Variants in MBD2 observed in about 807,000 individuals in gnomAD.
The protein encoded by MBD2 is methyl-CpG-binding domain protein 2.
A neutral mutation model predicts 39.3 loss-of-function variants in MBD2; 9 were observed. The observed-to-expected ratio is 0.23, with a 90% CI of 0.14 to 0.40. MBD2 has a LOEUF of 0.40. MBD2 is among the 10% of genes least tolerant of loss of function. MBD2 has a pLI of 1.00. For synonymous variants in MBD2, 233 were observed against 211.1 expected, an observed-to-expected ratio of 1.10 and a Z score of -0.90; for missense variants, 458 against 532.6, an observed-to-expected ratio of 0.86 and a Z score of 1.38.
chr18:54,177,683 G>A (rs1357504564), intron 3 of MBD2, among the ~76,000 whole-genome samples: 2 of 151,786 alleles, frequency 1.3e-5, no homozygotes, highest in Non-Finnish European at 1.5e-5. Flanking sequence ...GGGTTTCACT[G>A]TGTTAGCCAG....
intron 1 of MBD2, among the ~76,000 whole-genome samples, chr18:54,215,489 A>ATTT (rs1322093635): frequency 5.0e-5 from 7 of 139,280 alleles, no homozygotes; most frequent in African/African-American, 1.9e-4. Context: ...CTGAGGATAG[A>ATTT]TTTTTTTTTT....
chr18:54,156,574 A>G (rs1730267), intron 6 of MBD2, among the ~76,000 whole-genome samples: 128,589 of 152,186 alleles, frequency 0.84, 54,823 homozygotes, highest in East Asian at 1. Context: ...AAAGTCGGCC[A>G]GTGGCTCATG....
chr18:54,219,599 G>T (rs933302441), intron 1 of MBD2, among the ~76,000 whole-genome samples: 9 of 152,160 alleles, frequency 5.9e-5, no homozygotes, highest in African/African-American at 1.7e-4. Flanking sequence ...AAATATGTAA[G>T]AACTATGACA....
At chr18:54,189,083 A>G in intron 2 of MBD2, 72 bp from the exon 3 acceptor site, 5 of 997,176 alleles carry the variant, frequency 5.0e-6, no homozygotes, top group Middle Eastern at 3.3e-4. Context: ...TACTAATTCA[A>G]TATCTATTAC....
chr18:54,206,901 A>C (rs912481421), intron 1 of MBD2, among the ~76,000 whole-genome samples: 2 of 152,184 alleles, frequency 1.3e-5, no homozygotes, highest in African/African-American at 4.8e-5. Flanking sequence ...TATTGTCCGA[A>C]ACTTGAACCA....
chr18:54,214,885 G>GC (rs1185477892), intron 1 of MBD2, among the ~76,000 whole-genome samples: 2 of 151,624 alleles, frequency 1.3e-5, no homozygotes, highest in African/African-American at 4.8e-5. Context: ...GACGACAGGC[G>GC]CCCGCCAACA....
At chr18:54,198,866 T>C (rs2086385288) in intron 2 of MBD2, among the ~76,000 whole-genome samples, 1 of 152,216 alleles carries the variant, frequency 6.6e-6, no homozygotes, top group Non-Finnish European at 1.5e-5. Flanking sequence ...ATAATGTTCT[T>C]TGATCATGCA....
At chr18:54,158,423 T>C (rs1168243873) in intron 6 of MBD2, among the ~76,000 whole-genome samples, 1 of 152,140 alleles carries the variant, frequency 6.6e-6, no homozygotes, top group Non-Finnish European at 1.5e-5. Flanking sequence ...TGTTTTGGCT[T>C]CAAAGGAAAC....
chr18:54,192,108 A>C (rs2086323857), intron 2 of MBD2, among the ~76,000 whole-genome samples: 1 of 152,220 alleles, frequency 6.6e-6, no homozygotes, highest in Non-Finnish European at 1.5e-5. Flanking sequence ...GAAGTCACCC[A>C]ACCTGTTAAC....
In MBD2 at chr18:54,186,523, T is replaced by A. The variant is rs573579843; in HGVS notation, c.840+2351A>T. ...CTTTACTAACAAACTGAATCTAAAC[T>A]GGAATACTTGGGATAACAGATCATG... On this transcript the variant is annotated intron_variant, in intron 3 of 6. Coordinates refer to ENST00000256429, the MANE Select transcript of MBD2 (RefSeq NM_003927.5). Among the ~76,000 whole-genome samples the A allele has an allele frequency of 2.0e-5, 3 of 152,278 alleles. No individual in the cohort carries two copies. In the South Asian group the frequency reaches 6.2e-4, roughly 32 times the overall value.
chr18:54,194,227 A>C (rs924150575), intron 2 of MBD2, among the ~76,000 whole-genome samples: 3 of 152,096 alleles, frequency 2.0e-5, no homozygotes, highest in African/African-American at 7.2e-5. Flanking sequence ...AAATGCTAAT[A>C]TTTAATAATA....
At chr18:54,218,528 G>T (rs1429601121) in intron 1 of MBD2, among the ~76,000 whole-genome samples, 1 of 152,190 alleles carries the variant, frequency 6.6e-6, no homozygotes, top group Admixed American at 6.5e-5. Context: ...ATGGTGGTTA[G>T]GAGTTCTGAG....
At chr18:54,220,620 T>G (rs1407184811) in intron 1 of MBD2, among the ~76,000 whole-genome samples, 1 of 152,190 alleles carries the variant, frequency 6.6e-6, no homozygotes, top group African/African-American at 2.4e-5. Flanking sequence ...AACAATTGGG[T>G]GCAGGTGTTC....
chr18:54,214,613 G>A (rs974604798), intron 1 of MBD2, among the ~76,000 whole-genome samples: 2 of 152,092 alleles, frequency 1.3e-5, no homozygotes, highest in East Asian at 1.9e-4. Flanking sequence ...CCAAGCATGC[G>A]CTTCTATTTC....
intron 3 of MBD2, among the ~76,000 whole-genome samples, chr18:54,177,014 C>T (rs115735813): frequency 0.014 from 2,138 of 152,298 alleles, 43 homozygotes; most frequent in African/African-American, 0.049. Context: ...CTAACTTACA[C>T]ACAGTGGGTA....
At chr18:54,217,664 A>G (rs930767865) in intron 1 of MBD2, among the ~76,000 whole-genome samples, 1 of 152,242 alleles carries the variant, frequency 6.6e-6, no homozygotes, top group South Asian at 2.1e-4. Flanking sequence ...TTCCTTTAAC[A>G]TTCCATTAAA....
At chr18:54,161,563 A>G (rs2144278189) in intron 5 of MBD2, among the ~76,000 whole-genome samples, 1 of 152,360 alleles carries the variant, frequency 6.6e-6, no homozygotes, top group East Asian at 1.9e-4. Context: ...CTCATTAGGA[A>G]GAAGGAGAAA....
chr18:54,159,948 A>T (rs550503974), intron 5 of MBD2, 45 bp from the exon 6 acceptor site: 1 of 1,595,020 alleles, frequency 6.3e-7, no homozygotes, highest in East Asian at 2.2e-5. Flanking sequence ...TTGGCAAGTA[A>T]TGACAATATG....
chr18:54,192,925 T>G (rs1007593356), intron 2 of MBD2, among the ~76,000 whole-genome samples: 1 of 152,234 alleles, frequency 6.6e-6, no homozygotes, highest in Non-Finnish European at 1.5e-5. Context: ...GAATGAGACA[T>G]TATTCAAAAT....
Sources: gnomAD v4.1 joint callset for allele counts (sites outside exome capture counted in the v4.1 genomes callset) on GRCh38, gnomAD v4.1.1 for gene constraint, MANE v1.5 for transcripts, NCBI Gene and HGNC (gene_info 2026-07-23, HGNC 2026-07-21) for gene names.